Variants in FAM227B observed in about 807,000 individuals in gnomAD.
The protein encoded by FAM227B is family with sequence similarity 227 member B.
Under a neutral mutation model 73.8 loss-of-function variants are expected in FAM227B, and 88 were observed. The ratio of observed to expected loss-of-function variants is 1.19; its 90% CI spans 1.00 to 1.42. The LOEUF (loss-of-function observed/expected upper bound fraction) is 1.42. FAM227B is among the 40% of genes most tolerant of loss of function. The pLI, the probability that FAM227B is intolerant of heterozygous loss-of-function variation, is 0.00. For missense variants in FAM227B, 632 were observed against 590.9 expected (o/e 1.07, Z -0.72); for synonymous variants, 210 against 190.5 (o/e 1.10, Z -0.84).
intron 11 of FAM227B, among the ~76,000 whole-genome samples, chr15:49,468,853 T>C (rs1171546467): frequency 1.3e-5 from 2 of 152,200 alleles, no homozygotes; most frequent in Non-Finnish European, 2.9e-5. Flanking sequence ...GCAGTCACTC[T>C]GCTTAACTGA....
At chr15:49,377,561 G>A (rs919712915) in intron 11 of FAM227B, among the ~76,000 whole-genome samples, 1 of 151,830 alleles carries the variant, frequency 6.6e-6, no homozygotes, top group South Asian at 2.1e-4. Context: ...TTTCAAGTGG[G>A]GTGAGATGGT....
In FAM227B at chr15:49,534,457, G is replaced by C. The variant is rs555159355; in HGVS notation, c.874+7223C>G. ...AAAAGTATATATGCACCCAACATCA[G>C]AGTGCCTAAATAAACCAAAGATTAT... On this transcript the variant is annotated intron_variant, in intron 10 of 15. Coordinates refer to ENST00000299338, the MANE Select transcript of FAM227B (RefSeq NM_152647.3). Among the ~76,000 whole-genome samples the C allele has an allele frequency of 2.6e-5, 4 of 151,914 alleles. No homozygotes were observed. The South Asian group carries it at 6.2e-4, about 24-fold the overall frequency.
chr15:49,553,183 C>T (rs1279846808), intron 9 of FAM227B, among the ~76,000 whole-genome samples: 1 of 152,184 alleles, frequency 6.6e-6, no homozygotes, highest in Non-Finnish European at 1.5e-5. Flanking sequence ...ACACCCCAAG[C>T]CCAGTAACAC....
In FAM227B at chr15:49,438,549, T is replaced by A. The variant is rs1260561723; in HGVS notation, c.1013-67150A>T. On this transcript the variant is annotated intron_variant, in intron 11 of 15. Coordinates refer to ENST00000299338, the MANE Select transcript of FAM227B (RefSeq NM_152647.3). ...ATCACACCAATAGCATTATTTTGTATAAATATTAATACACATTATATATAG... is the reference window on the plus strand; with the variant it reads ...ATCACACCAATAGCATTATTTTGTAAAAATATTAATACACATTATATATAG... Among the ~76,000 whole-genome samples the A allele has an allele frequency of 4.0e-5, 6 of 151,402 alleles. No homozygotes were observed. In the East Asian group the frequency reaches 1.2e-3, roughly 30 times the overall value.
At chr15:49,396,626 C>T (rs1309902417) in intron 11 of FAM227B, among the ~76,000 whole-genome samples, 1 of 152,062 alleles carries the variant, frequency 6.6e-6, no homozygotes, top group Non-Finnish European at 1.5e-5. Context: ...AGCAGTGGTT[C>T]TCCCAGCACC....
intron 7 of FAM227B, among the ~76,000 whole-genome samples, chr15:49,575,759 T>C (rs1299980100): frequency 1.3e-5 from 2 of 152,098 alleles, no homozygotes; most frequent in Non-Finnish European, 2.9e-5. Context: ...CAACAATCAA[T>C]CATGGACTTA....
intron 13 of FAM227B, among the ~76,000 whole-genome samples, chr15:49,337,508 C>CTTTTTTTTTTTTTTT (rs33973907): frequency 8.3e-5 from 3 of 36,088 alleles, no homozygotes; most frequent in African/African-American, 1.2e-4. Context: ...CATTTACCCA[C>CTTTTTTTTTTTTTTT]TTTTTTTTTT....
intron 11 of FAM227B, among the ~76,000 whole-genome samples, chr15:49,373,026 T>C (rs532267833): frequency 1.1e-4 from 16 of 152,182 alleles, no homozygotes; most frequent in African/African-American, 3.9e-4. Context: ...TAATAAACCA[T>C]ATTTTTTTCT....
At chr15:49,437,704 C>T (rs567497178) in intron 11 of FAM227B, among the ~76,000 whole-genome samples, 112 of 151,748 alleles carry the variant, frequency 7.4e-4, no homozygotes, top group Admixed American at 1.2e-3. Flanking sequence ...CTATTTATTG[C>T]AATATTTACT....
chr15:49,367,881 A>C (rs72727270), intron 12 of FAM227B: 13 of 191,562 alleles, frequency 6.8e-5, no homozygotes, highest in Admixed American at 1.8e-4. Flanking sequence ...AAAAAAAAAA[A>C]AATGAAGAAA....
At chr15:49,521,938 C>T (rs1597849446) in intron 10 of FAM227B, among the ~76,000 whole-genome samples, 1 of 152,280 alleles carries the variant, frequency 6.6e-6, no homozygotes, top group South Asian at 2.1e-4. Flanking sequence ...GGCATTTCCA[C>T]TCATTATCAA....
intron 13 of FAM227B, among the ~76,000 whole-genome samples, chr15:49,337,507 ACTTTTTT>A (rs1366542274): frequency 0.029 from 657 of 22,962 alleles, 8 homozygotes; most frequent in African/African-American, 0.11. Context: ...TCATTTACCC[ACTTTTTT>A]TTTTTTTTTT....
At chr15:49,493,064 G>T (rs957580281) in intron 11 of FAM227B, among the ~76,000 whole-genome samples, 2 of 151,828 alleles carry the variant, frequency 1.3e-5, no homozygotes, top group African/African-American at 4.8e-5. Context: ...TAATCACCAA[G>T]ATTGCTCAAC....
chr15:49,563,465 A>AT (rs1330788522), intron 9 of FAM227B, among the ~76,000 whole-genome samples: 2 of 152,132 alleles, frequency 1.3e-5, no homozygotes, highest in East Asian at 1.9e-4. Context: ...TACCAATACT[A>AT]TTTTTCACAG....
intron 11 of FAM227B, among the ~76,000 whole-genome samples, chr15:49,462,809 A>G (rs921448180): frequency 6.6e-6 from 1 of 152,232 alleles, no homozygotes; most frequent in Non-Finnish European, 1.5e-5. Flanking sequence ...TGGCATGTAT[A>G]GAAAGGATGA....
chr15:49,559,567 A>C (rs967447045), intron 9 of FAM227B, among the ~76,000 whole-genome samples: 5 of 152,064 alleles, frequency 3.3e-5, no homozygotes, highest in African/African-American at 1.2e-4. Context: ...CAAAGCCAAA[A>C]CACCATAAGT....
chr15:49,337,027 CTTTA>C (rs1458206217), intron 13 of FAM227B, among the ~76,000 whole-genome samples: 4 of 152,130 alleles, frequency 2.6e-5, no homozygotes, highest in African/African-American at 7.2e-5. Flanking sequence ...TGAGTTTGTC[CTTTA>C]TTTATGACTA....
chr15:49,367,878 A>AG (rs894448031), intron 12 of FAM227B: 1 of 199,062 alleles, frequency 5.0e-6, no homozygotes, highest in African/African-American at 2.3e-5. Flanking sequence ...AAAAAAAAAA[A>AG]AAAAATGAAG....
At chr15:49,339,945 A>T (rs1003849103) in intron 13 of FAM227B, among the ~76,000 whole-genome samples, 3 of 152,310 alleles carry the variant, frequency 2.0e-5, no homozygotes, top group African/African-American at 7.2e-5. Context: ...CTCAAGCCTC[A>T]GCAATGGTGG....
Sources: gnomAD v4.1 joint callset for allele counts (sites outside exome capture counted in the v4.1 genomes callset) on GRCh38, gnomAD v4.1.1 for gene constraint, MANE v1.5 for transcripts, NCBI Gene and HGNC (gene_info 2026-07-23, HGNC 2026-07-21) for gene names.